The following MYO3A variants were observed in gnomAD, a reference collection of about 807,000 sequenced individuals.
The protein encoded by MYO3A is myosin-IIIa.
A neutral mutation model predicts 192.7 loss-of-function variants in MYO3A; 180 were observed. That is an observed-to-expected ratio of 0.93 (90% confidence interval 0.83 to 1.06). MYO3A has a LOEUF of 1.06. Ranked by LOEUF, MYO3A falls within the 50% of genes least tolerant of loss-of-function variation. The pLI is 0.00. For missense variants in MYO3A, 1,896 were observed against 1,905.0 expected (o/e 1.00, Z 0.09); for synonymous variants, 628 against 645.3 (o/e 0.97, Z 0.41).
In MYO3A at chr10:26,009,140, C is replaced by A. The variant is rs577647484; in HGVS notation, c.509-7680C>A. Among the ~76,000 whole-genome samples, 10 of 126,394 alleles carry A rather than the reference C, an allele frequency of 7.9e-5. No homozygotes were observed. In the South Asian group the frequency reaches 1.8e-3, roughly 22 times the overall value. 82.9% of individuals were successfully genotyped at this position (126,394 alleles called of 152,430 possible). The stretch of plus-strand genomic sequence containing the variant: ...ACTATTGCAAGAACAAAAAACCAAA[C>A]ACCACATATTCTCACTCATAGGTGG... On this transcript the variant is annotated intron_variant, in intron 6 of 34. Coordinates refer to ENST00000642920, the MANE Select transcript of MYO3A (RefSeq NM_017433.5).
rs749264627 is a variant in MYO3A at position 26,125,511 on chromosome 10, G to A, written c.2017G>A (p.Asp673Asn). The A allele has an allele frequency of 9.3e-6, 15 of 1,613,958 alleles. No individual in the cohort carries two copies. Among genetic ancestry groups the A allele is most frequent in the East Asian group, 2.2e-5 (1 of 44,876 alleles). ...ACCCAATACTGTAGAAAAAGCTACC[G>A]ATGTCAGGGATGCCATGGCTAAAAC... ...IRPNTVEKAT[D>N]VRDAMAKTLY... The change falls in exon 19 of 35, where the codon GAT becomes AAT. Residue 673 changes from aspartate (D) to asparagine (N), a missense_variant. Physicochemically the swap from Asp to Asn is conservative, Grantham distance 23. Transcript: ENST00000642920.
chr10:26,157,405 T>C lies in MYO3A; in HGVS notation c.2889T>C (p.Tyr963=), dbSNP rs780660152. Residue 963 remains tyrosine, a synonymous_variant, in exon 26 of 35, where the codon TAT becomes TAC. Transcript: ENST00000642920. The part of the protein sequence containing the change: ...KPNSERQARK[Y]DKEKVLLQLR... ...ATAGTGAGCGTCAGGCAAGAAAATA[T>C]GACAAAGAGAAAGTTCTGCTACAGC... 6.2e-6 allele frequency: 10 copies of C among 1,614,150 alleles called. No homozygotes were observed. In the East Asian group the frequency reaches 1.6e-4, roughly 25 times the overall value.
At chr10:26,156,264 A>G (rs1054056211) in intron 25 of MYO3A, among the ~76,000 whole-genome samples, 14 of 152,182 alleles carry the variant, frequency 9.2e-5, no homozygotes, top group African/African-American at 3.4e-4. Flanking sequence ...TCGGTTGCCA[A>G]TTTCAGCATT....
intron 10 of MYO3A, among the ~76,000 whole-genome samples, chr10:26,051,313 T>C (rs1032268753): frequency 1.3e-5 from 2 of 152,102 alleles, no homozygotes; most frequent in East Asian, 3.9e-4. Flanking sequence ...GAATTTAATA[T>C]TTTTCTGAAA....
intron 24 of MYO3A, 127 bp downstream of exon 24, chr10:26,154,056 T>G: frequency 1.4e-6 from 1 of 718,628 alleles, no homozygotes; most frequent in Non-Finnish European, 2.5e-6. Flanking sequence ...TGCTTTTCTG[T>G]TTGAACAGAT....
rs1238335466 is a variant in MYO3A at position 26,088,232 on chromosome 10, T to C, written c.1389T>C (p.Ile463=). The C allele has an allele frequency of 6.2e-7, 1 of 1,612,328 alleles. No homozygotes were observed. The highest frequency in any genetic ancestry group is 1.1e-5 in the South Asian group (1 of 90,782). The change falls in exon 15 of 35, where the codon ATT becomes ATC. Residue 463 remains isoleucine, a synonymous_variant. Transcript: ENST00000642920. ...ATAACAGAACCTTGCAAGAGAAGAT[T>C]TTACAAGTGAACAATTTGGTAGAAG... The part of the protein sequence containing the change: ...KANNRTLQEK[I]LQVNNLVEAF...
chr10:26,048,269 A>C (rs12572695), intron 10 of MYO3A, among the ~76,000 whole-genome samples: 47,292 of 151,908 alleles, frequency 0.31, 7,632 homozygotes, highest in Middle Eastern at 0.43. Context: ...TCTGAAAAAA[A>C]GTATTATATT....
At chr10:26,014,708 T>A (rs1841886391) in intron 6 of MYO3A, among the ~76,000 whole-genome samples, 2 of 152,040 alleles carry the variant, frequency 1.3e-5, no homozygotes, top group African/African-American at 4.8e-5. Flanking sequence ...AAAATAATAA[T>A]GTTAGATGGT....
chr10:26,032,994 T>C (rs1842870715), intron 10 of MYO3A, among the ~76,000 whole-genome samples: 1 of 152,236 alleles, frequency 6.6e-6, no homozygotes, highest in Non-Finnish European at 1.5e-5. Flanking sequence ...TCCACATGAC[T>C]GAAAGATACT....
intron 10 of MYO3A, among the ~76,000 whole-genome samples, chr10:26,036,480 C>A (rs1158457855): frequency 6.6e-6 from 1 of 152,134 alleles, no homozygotes; most frequent in Non-Finnish European, 1.5e-5. Flanking sequence ...GCCAAGCTCT[C>A]AGCAGGGGCC....
Position 26,070,314 on chromosome 10 carries a change from ATAG to A in MYO3A, c.1276-2_1276del, listed in dbSNP as rs1835130032. 1 of 1,612,898 alleles carries A rather than the reference ATAG, an allele frequency of 6.2e-7. No individual in the cohort carries two copies. Among genetic ancestry groups the A allele is most frequent in the Non-Finnish European group, 8.5e-7 (1 of 1,179,102 alleles). ...CTTCTCACAGTTTTCTTTTCTATGT[ATAG>A]TGCATTGTTATTTCTGGAGAAAGTG... is the stretch of plus-strand genomic sequence containing the variant. On this transcript the variant is annotated splice_acceptor_variant and splice_polypyrimidine_tract_variant and intron_variant, in intron 13 of 34. Transcript: ENST00000642920. LOFTEE classifies it high-confidence loss of function.
chr10:26,210,534 G>C (rs138658118), intron 34 of MYO3A, among the ~76,000 whole-genome samples: 7 of 152,090 alleles, frequency 4.6e-5, no homozygotes, highest in African/African-American at 1.7e-4. Context: ...AGCCACTATC[G>C]GTCTTGCTTG....
chr10:25,987,238 A>G (rs12240655), intron 4 of MYO3A, among the ~76,000 whole-genome samples: 14,581 of 152,196 alleles, frequency 0.096, 1,244 homozygotes, highest in African/African-American at 0.22. Flanking sequence ...TTAAATGTAA[A>G]ACCTGAATCC....
In MYO3A at chr10:25,954,935, A is replaced by C. The variant is rs1232229010; in HGVS notation, c.230A>C (p.Asn77Thr). The change falls in exon 4 of 35, where the codon AAT becomes ACT. Residue 77 changes from asparagine to threonine, a missense_variant. Coordinates refer to ENST00000642920, the MANE Select transcript of MYO3A (RefSeq NM_017433.5). ...NILKALSDHP[N>T]VVRFYGIYFK... is the part of the protein sequence containing the mutation. ...TTAAAAGCACTTTCTGACCACCCTAATGTGGTCAGATTCTATGGGATATAC... is the reference window on the plus strand; with the variant it reads ...TTAAAAGCACTTTCTGACCACCCTACTGTGGTCAGATTCTATGGGATATAC... 7.5e-6 allele frequency: 12 copies of C among 1,609,526 alleles called. No homozygotes were observed. The African/African-American group carries it at 1.3e-4, about 18-fold the overall frequency.
chr10:26,048,333 T>C (rs933143426), intron 10 of MYO3A, among the ~76,000 whole-genome samples: 33 of 151,782 alleles, frequency 2.2e-4, no homozygotes, highest in African/African-American at 8.0e-4. Flanking sequence ...TTAGGTAGTA[T>C]ACATTTATAT....
At chr10:26,097,389 A>AT (rs765352393) in intron 17 of MYO3A, among the ~76,000 whole-genome samples, 29 of 150,852 alleles carry the variant, frequency 1.9e-4, no homozygotes, top group Admixed American at 4.6e-4. Flanking sequence ...TTAACGTTTT[A>AT]TTTTTTTTTA....
chr10:26,124,723 G>A (rs1185289675), intron 18 of MYO3A, among the ~76,000 whole-genome samples: 1 of 152,166 alleles, frequency 6.6e-6, no homozygotes, highest in Non-Finnish European at 1.5e-5. Flanking sequence ...TCAAAAATGA[G>A]TTTTGTTCAC....
At chr10:26,074,934 G>T (rs1018694374) in intron 14 of MYO3A, among the ~76,000 whole-genome samples, 2 of 151,880 alleles carry the variant, frequency 1.3e-5, no homozygotes, top group Non-Finnish European at 2.9e-5. Context: ...ATAAGATAAG[G>T]ATCAAATTTC....
chr10:26,049,675 T>TTA (rs1280528419), intron 10 of MYO3A, among the ~76,000 whole-genome samples: 1 of 81,712 alleles, frequency 1.2e-5, no homozygotes, highest in South Asian at 4.1e-4. Context: ...CTTTCTTTCT[T>TTA]TTTTTTTTTT....
Sources: allele counts gnomAD v4.1 joint callset (sites outside exome capture counted in the v4.1 genomes callset), GRCh38; gene constraint gnomAD v4.1.1; transcripts MANE v1.5; gene names NCBI Gene and HGNC (gene_info 2026-07-23, HGNC 2026-07-21).